Variants in SH3PXD2B observed in about 807,000 individuals in gnomAD.
SH3PXD2B encodes the protein SH3 and PX domain-containing protein 2B.
A neutral mutation model predicts 73.1 loss-of-function variants in SH3PXD2B; 37 were observed. The ratio of observed to expected loss-of-function variants is 0.51; its 90% CI spans 0.39 to 0.67. The LOEUF (loss-of-function observed/expected upper bound fraction) is 0.67, where lower values mean the gene tolerates loss of function less well. Among genes scored for constraint, SH3PXD2B ranks in the 30% least tolerant of loss-of-function variants. The pLI, the probability that SH3PXD2B is intolerant of heterozygous loss-of-function variation, is 0.00. For missense variants in SH3PXD2B, 1,053 were observed against 1,197.8 expected (o/e 0.88, Z 1.78); for synonymous variants, 457 against 480.5 (o/e 0.95, Z 0.64).
intron 4 of SH3PXD2B, among the ~76,000 whole-genome samples, chr5:172,386,604 G>A (rs1277679301): frequency 1.6e-5 from 2 of 126,200 alleles, no homozygotes; most frequent in Admixed American, 8.1e-5. Context: ...TTTATGGCAG[G>A]CACATGATAC....
At chr5:172,348,372 T>C (rs1026755756) in intron 10 of SH3PXD2B, among the ~76,000 whole-genome samples, 2 of 152,018 alleles carry the variant, frequency 1.3e-5, no homozygotes, top group Non-Finnish European at 2.9e-5. Flanking sequence ...TCACCCAGGC[T>C]GGAGTGCAAT....
chr5:172,339,166 C>T lies in SH3PXD2B; in HGVS notation c.1939G>A (p.Ala647Thr), dbSNP rs749007960. 1.2e-6 allele frequency: 2 copies of T among 1,614,206 alleles called. No individual in the cohort carries two copies. Among genetic ancestry groups the T allele is most frequent in the Non-Finnish European group, 1.7e-6 (2 of 1,180,036 alleles). The change falls in exon 13 of 13, where the codon GCT becomes ACT. Residue 647 changes from alanine to threonine, a missense_variant. This residue lies in a region of SH3PXD2B where 587 missense variants were observed against 590.7 expected (regional missense o/e 0.99). Transcript: ENST00000311601. The surrounding 1 kb of genome is among the most constrained non-coding windows in gnomAD (Gnocchi z 6.1). ...GGTGGCTCCGTTTTGGGGGAAGGAG[C>T]TGGTTTTGGCCTAACCTGAGGTCTG... ...KSRPQVRPKP[A>T]PSPKTEPPQG...
At chr5:172,362,273 C>A (rs537052475) in intron 7 of SH3PXD2B, among the ~76,000 whole-genome samples, 7 of 152,274 alleles carry the variant, frequency 4.6e-5, no homozygotes, top group African/African-American at 1.7e-4. Flanking sequence ...CTCAGTCATA[C>A]CACATTCTGT....
intron 4 of SH3PXD2B, 39 bp from the exon 5 acceptor site, chr5:172,382,166 G>A (rs764659266): frequency 9.2e-6 from 14 of 1,528,002 alleles, no homozygotes; most frequent in Non-Finnish European, 8.0e-6. Context: ...AAGGAGGAGA[G>A]GGGGCTGAGC....
At chr5:172,342,151 G>C (rs1756866270) in intron 12 of SH3PXD2B, among the ~76,000 whole-genome samples, 1 of 152,182 alleles carries the variant, frequency 6.6e-6, no homozygotes, top group South Asian at 2.1e-4. Flanking sequence ...CTGACACCTT[G>C]ATCTTGAACT....
At chr5:172,451,774 G>T (rs1050620803) in intron 1 of SH3PXD2B, among the ~76,000 whole-genome samples, 1 of 152,206 alleles carries the variant, frequency 6.6e-6, no homozygotes, top group Admixed American at 6.5e-5. Context: ...TGTGTGAGGG[G>T]TTGGGGTGGA....
chr5:172,427,861 T>A (rs1465927186), intron 1 of SH3PXD2B, among the ~76,000 whole-genome samples: 1 of 150,320 alleles, frequency 6.7e-6, no homozygotes, highest in Non-Finnish European at 1.5e-5. Flanking sequence ...CACCGCAACC[T>A]CTGCCTCCCG....
Position 172,337,998 on chromosome 5 carries a change from G to C in SH3PXD2B, c.*371C>G, listed in dbSNP as rs2113248350. On this transcript the variant is annotated 3_prime_UTR_variant, in exon 13 of 13. Transcript: ENST00000311601. Reference sequence around the variant, plus strand: ...CCTTACTGTGCCATGTCCAAGCCATGAGAGACCCTTGCTGGAGTTTCTCCA... The same window carrying C: ...CCTTACTGTGCCATGTCCAAGCCATCAGAGACCCTTGCTGGAGTTTCTCCA... 2 of 1,188,358 alleles carry C rather than the reference G, an allele frequency of 1.7e-6. No individual in the cohort carries two copies. Among genetic ancestry groups the C allele is most frequent in the South Asian group, 3.9e-5 (2 of 51,734 alleles). The allele number at this position is 1,188,358 out of a possible 1,614,324, so 73.6% of individuals were successfully genotyped here.
intron 1 of SH3PXD2B, among the ~76,000 whole-genome samples, chr5:172,426,096 CT>C (rs1269995597): frequency 3.3e-5 from 5 of 152,206 alleles, no homozygotes; most frequent in Non-Finnish European, 7.3e-5. Flanking sequence ...AAAAATTCTG[CT>C]TACACAATTC....
rs2569212 is a variant in SH3PXD2B, at chr5:172,454,002, A to G, written c.75+276T>C. 0.43 allele frequency among the ~76,000 whole-genome samples: 65,080 copies of G among 151,030 alleles called. 16,250 individuals are homozygous for G. The highest frequency in any genetic ancestry group is 0.7 in the African/African-American group (28,577 of 41,094). ...GGACGGGAGTTGGGGGGACACGGAG[A>G]AGACAGAAAGGGGTAGAGGAGCCGC... On this transcript the variant is annotated intron_variant, in intron 1 of 12. Transcript: ENST00000311601.
intron 5 of SH3PXD2B, among the ~76,000 whole-genome samples, chr5:172,377,677 T>G (rs943165118): frequency 1.3e-5 from 2 of 152,198 alleles, no homozygotes; most frequent in Non-Finnish European, 2.9e-5. Context: ...ACAAAGAGAT[T>G]TGAACCTTCC....
At chr5:172,407,577 G>A (rs527472901) in intron 2 of SH3PXD2B, among the ~76,000 whole-genome samples, 25 of 152,352 alleles carry the variant, frequency 1.6e-4, no homozygotes, top group African/African-American at 6.0e-4. Context: ...AAAGCAGATG[G>A]TGAGGGAGAA....
rs1193875750 is a variant in SH3PXD2B, at chr5:172,368,606, AAT to A, written c.427+5182_427+5183del. ...TATATATAAAATATGTTATATATATAATATATATGTTATATATATATATAATA... is the reference window on the plus strand; with the variant it reads ...TATATATAAAATATGTTATATATATAATATATGTTATATATATATATAATA... On this transcript the variant is annotated intron_variant, in intron 6 of 12. Transcript: ENST00000311601. Among the ~76,000 whole-genome samples the A allele has an allele frequency of 3.6e-4, 7 of 19,254 alleles. 1 individual carries two copies. Among genetic ancestry groups the A allele is most frequent in the African/African-American group, 7.8e-4 (2 of 2,572 alleles). 12.6% of individuals were successfully genotyped at this position (19,254 alleles called of 152,430 possible). A position where few individuals can be genotyped will look rare whatever the true frequency, so the allele number is the denominator to read the frequency against.
At position 172,380,004 on chromosome 5, in the gene SH3PXD2B, C is replaced by CTTTTATTAT. The variant is rs1381006502; in HGVS notation, c.401+2023_401+2031dup. Among the ~76,000 whole-genome samples, 6 of 152,104 alleles carry CTTTTATTAT rather than the reference C, an allele frequency of 3.9e-5. No individual in the cohort carries two copies. The East Asian group carries it at 1.2e-3, about 29-fold the overall frequency. On this transcript the variant is annotated intron_variant, in intron 5 of 12. Transcript: ENST00000311601. ...TTCATTATCATTTTGTTAAAAGTCCCTTTTATTATTCTGAACCTCAGCTTC... is the reference window on the plus strand; with the variant it reads ...TTCATTATCATTTTGTTAAAAGTCCCTTTTATTATTTTTATTATTCTGAACCTCAGCTTC...
In SH3PXD2B at chr5:172,423,898, C is replaced by G. The variant is rs1759034545; in HGVS notation, c.76-1402G>C. 2.0e-5 allele frequency among the ~76,000 whole-genome samples: 3 copies of G among 152,166 alleles called. No individual in the cohort carries two copies. In the South Asian group the frequency reaches 6.2e-4, roughly 32 times the overall value. ...CCTCAAGTGATCCACCTATGTCGGC[C>G]TCCCAAAGTGTTGGGATTACATGCT... On this transcript the variant is annotated intron_variant, in intron 1 of 12. Coordinates refer to ENST00000311601, the MANE Select transcript of SH3PXD2B (RefSeq NM_001017995.3).
At chr5:172,355,236 AAC>A (rs929787226) in intron 8 of SH3PXD2B, among the ~76,000 whole-genome samples, 1 of 152,216 alleles carries the variant, frequency 6.6e-6, no homozygotes, top group Non-Finnish European at 1.5e-5. Flanking sequence ...GGAGGCGGAA[AAC>A]ACACAGGGCG....
rs1231717784 is a variant in SH3PXD2B at position 172,337,834 on chromosome 5, G to C, written c.*535C>G. 1.0e-6 allele frequency: 1 copy of C among 1,000,828 alleles called. No homozygotes were observed. The highest frequency in any genetic ancestry group is 1.2e-6 in the Non-Finnish European group (1 of 838,646). 62.0% of individuals were successfully genotyped at this position (1,000,828 alleles called of 1,614,324 possible). ...TTTGGGGAAGGGGACACTTTCCCTGGAACTGGTAATGGAATGCATTTCTTC... is the reference window on the plus strand; with the variant it reads ...TTTGGGGAAGGGGACACTTTCCCTGCAACTGGTAATGGAATGCATTTCTTC... On this transcript the variant is annotated 3_prime_UTR_variant, in exon 13 of 13. Transcript: ENST00000311601.
chr5:172,388,912 G>A (rs1027750313), intron 4 of SH3PXD2B, among the ~76,000 whole-genome samples: 1 of 152,230 alleles, frequency 6.6e-6, no homozygotes, highest in African/African-American at 2.4e-5. Context: ...TCTGAGGGCT[G>A]GGAGGCAACA....
intron 3 of SH3PXD2B, among the ~76,000 whole-genome samples, chr5:172,398,632 G>A (rs1415255219): frequency 1.3e-5 from 2 of 152,178 alleles, no homozygotes; most frequent in Admixed American, 6.5e-5. Context: ...AATGGTGGTC[G>A]ATAAACAACA....
Sources: allele counts gnomAD v4.1 joint callset (sites outside exome capture counted in the v4.1 genomes callset), GRCh38; gene constraint gnomAD v4.1.1; regional missense constraint gnomAD v4.1.1; non-coding constraint Gnocchi (gnomAD v3.1); transcripts MANE v1.5; gene names NCBI Gene and HGNC (gene_info 2026-07-23, HGNC 2026-07-21).